The following SOX6 variants were observed in gnomAD, a reference collection of about 807,000 sequenced individuals.
SOX6 encodes the protein SRY-box transcription factor 6, also known as transcription factor SOX-6.
Under a neutral mutation model 97.8 loss-of-function variants are expected in SOX6, and 11 were observed. The ratio of observed to expected loss-of-function variants is 0.11; its 90% CI spans 0.07 to 0.19. The LOEUF (loss-of-function observed/expected upper bound fraction) is 0.19. Among genes scored for constraint, SOX6 ranks in the 10% least tolerant of loss-of-function variants. SOX6 has a pLI of 1.00. For synonymous variants in SOX6, 360 were observed against 371.4 expected (o/e 0.97, Z 0.35); for missense variants, 810 against 1,039.5 (o/e 0.78, Z 3.04).
At chr11:16,116,647 T>TG (rs562605354) in intron 6 of SOX6, among the ~76,000 whole-genome samples, 42 of 152,284 alleles carry the variant, frequency 2.8e-4, no homozygotes, top group African/African-American at 9.9e-4. Flanking sequence ...GTACTGACAT[T>TG]GATACAATCC....
chr11:16,600,541 A>G (rs747883569), intron 4 of SOX6, among the ~76,000 whole-genome samples: 2 of 152,158 alleles, frequency 1.3e-5, no homozygotes, highest in Non-Finnish European at 2.9e-5. Context: ...GAGCTGAGAG[A>G]GTCTGCAGTA....
intron 4 of SOX6, among the ~76,000 whole-genome samples, chr11:16,232,590 A>C (rs997114445): frequency 2.6e-5 from 4 of 152,092 alleles, no homozygotes; most frequent in African/African-American, 9.6e-5. Context: ...AATATAAAGA[A>C]AGACGGAAAG....
chr11:16,344,726 C>A (rs1018624803), intron 1 of SOX6, among the ~76,000 whole-genome samples: 1 of 151,786 alleles, frequency 6.6e-6, no homozygotes, highest in African/African-American at 2.4e-5. Context: ...AAATCAAAAT[C>A]CTTGTGGAAA....
intron 4 of SOX6, among the ~76,000 whole-genome samples, chr11:16,191,941 T>A (rs1851643779): frequency 6.6e-6 from 1 of 151,880 alleles, no homozygotes; most frequent in South Asian, 2.1e-4. Context: ...CTCAGATTAG[T>A]CAGGTGGATC....
intron 1 of SOX6, among the ~76,000 whole-genome samples, chr11:16,346,720 G>T (rs1440516407): frequency 1.3e-5 from 2 of 151,970 alleles, no homozygotes; most frequent in Non-Finnish European, 2.9e-5. Flanking sequence ...GAACAGATAT[G>T]GTAACACATG....
At chr11:16,443,443 A>G (rs1369658848) in intron 1 of SOX6, among the ~76,000 whole-genome samples, 1 of 152,218 alleles carries the variant, frequency 6.6e-6, no homozygotes, top group Admixed American at 6.5e-5. Context: ...TGATTTAATA[A>G]TATTTATTTA....
intron 3 of SOX6, among the ~76,000 whole-genome samples, chr11:16,669,959 G>A (rs1437130805): frequency 6.6e-6 from 1 of 152,078 alleles, no homozygotes; most frequent in Non-Finnish European, 1.5e-5. Flanking sequence ...AAACTAGGAA[G>A]GAACAAAGGG....
rs139703841 is a variant in SOX6, at chr11:16,105,365, T to C, written c.898+6438A>G. Among the ~76,000 whole-genome samples, 62 of 151,960 alleles carry C rather than the reference T, an allele frequency of 4.1e-4. No homozygotes were observed. The Middle Eastern group carries it at 0.014, about 33-fold the overall frequency. ...TCATAAAAAATTCTCAGAAAACTAG[T>C]AATAGAGGAAAAAGACCTCGGCATG... On this transcript the variant is annotated intron_variant, in intron 7 of 15. Transcript: ENST00000683767.
chr11:16,592,943 T>C (rs965308325), intron 4 of SOX6, among the ~76,000 whole-genome samples: 4 of 151,536 alleles, frequency 2.6e-5, no homozygotes, highest in Non-Finnish European at 4.4e-5. Context: ...CAGCTAAGCA[T>C]AAGAGAAAAT....
chr11:16,279,491 T>G (rs1481617842), intron 3 of SOX6, among the ~76,000 whole-genome samples: 3 of 152,102 alleles, frequency 2.0e-5, no homozygotes, highest in Non-Finnish European at 4.4e-5. Flanking sequence ...GTGACTATAT[T>G]TCTTTATATG....
intron 3 of SOX6, among the ~76,000 whole-genome samples, chr11:16,308,790 C>T (rs1855511721): frequency 1.3e-5 from 2 of 152,136 alleles, no homozygotes. Context: ...TCCTAACAAA[C>T]CTAGTAATCA....
At chr11:16,060,758 T>C (rs1229377111) in intron 9 of SOX6, among the ~76,000 whole-genome samples, 2 of 152,000 alleles carry the variant, frequency 1.3e-5, no homozygotes, top group East Asian at 3.9e-4. Context: ...AGCACATAGC[T>C]CTAAAGGAGA....
chr11:16,654,438 C>G (rs764553520), intron 3 of SOX6, among the ~76,000 whole-genome samples: 3 of 152,120 alleles, frequency 2.0e-5, no homozygotes, highest in Non-Finnish European at 2.9e-5. Flanking sequence ...TCCCAAAGTG[C>G]TGGAAGCCAC....
intron 1 of SOX6, among the ~76,000 whole-genome samples, chr11:16,366,575 T>G (rs1857363422): frequency 6.6e-6 from 1 of 152,130 alleles, no homozygotes; most frequent in Non-Finnish European, 1.5e-5. Context: ...AAATTCCATG[T>G]TTTCACCATT....
intron 6 of SOX6, among the ~76,000 whole-genome samples, chr11:16,164,766 A>G (rs1349901411): frequency 6.6e-6 from 1 of 151,422 alleles, no homozygotes; most frequent in African/African-American, 2.4e-5. Context: ...AAAGGTGGTG[A>G]GCCGAGATCG....
intron 8 of SOX6, among the ~76,000 whole-genome samples, chr11:16,096,519 G>T (rs1294882318): frequency 6.6e-6 from 1 of 151,686 alleles, no homozygotes; most frequent in Non-Finnish European, 1.5e-5. Flanking sequence ...GCCCATAATG[G>T]GTTACATCTT....
At chr11:16,137,157 C>T (rs187570956) in intron 6 of SOX6, among the ~76,000 whole-genome samples, 2 of 152,172 alleles carry the variant, frequency 1.3e-5, no homozygotes, top group South Asian at 2.1e-4. Flanking sequence ...ATGTGGGGGC[C>T]GGGAGCAGTG....
intron 10 of SOX6, among the ~76,000 whole-genome samples, chr11:16,055,032 C>A (rs1050322399): frequency 6.6e-6 from 1 of 152,074 alleles, no homozygotes; most frequent in East Asian, 1.9e-4. Context: ...TATCCTATCA[C>A]AACTATATGG....
At chr11:16,033,562 A>G (rs1855440797) in intron 12 of SOX6, among the ~76,000 whole-genome samples, 2 of 152,140 alleles carry the variant, frequency 1.3e-5, no homozygotes, top group African/African-American at 4.8e-5. Flanking sequence ...CCTCCCTTGA[A>G]GGAGTATTAT....
Sources: gnomAD v4.1 joint callset for allele counts (sites outside exome capture counted in the v4.1 genomes callset) on GRCh38, gnomAD v4.1.1 for gene constraint, MANE v1.5 for transcripts, NCBI Gene and HGNC (gene_info 2026-07-23, HGNC 2026-07-21) for gene names.